NUFIP2: variants seen among roughly 807,000 people sequenced by gnomAD.
NUFIP2 encodes FMR1-interacting protein NUFIP2.
In NUFIP2, 6 loss-of-function variants were observed where a neutral mutation model predicts 56.9. The observed-to-expected ratio is 0.11, with a 90% CI of 0.06 to 0.21. The LOEUF (loss-of-function observed/expected upper bound fraction) is 0.21, where lower values mean the gene tolerates loss of function less well. Among genes scored for constraint, NUFIP2 ranks in the 10% least tolerant of loss-of-function variants. The pLI is 1.00. For missense variants in NUFIP2, 828 were observed against 826.8 expected (o/e 1.00, Z -0.02); for synonymous variants, 321 against 298.2 (o/e 1.08, Z -0.79).
chr17:29,276,686 T>C (rs1486963759), intron 2 of NUFIP2, among the ~76,000 whole-genome samples: 1 of 152,178 alleles, frequency 6.6e-6, no homozygotes, highest in Non-Finnish European at 1.5e-5. Context: ...TAGACCAAGT[T>C]TCTTAATGAC....
chr17:29,282,863 CTT>C (rs575764908), intron 2 of NUFIP2, among the ~76,000 whole-genome samples: 151 of 147,972 alleles, frequency 1.0e-3, no homozygotes, highest in African/African-American at 3.7e-3. Context: ...TTAGAGTTAA[CTT>C]TAAAAAAAAA....
At chr17:29,291,017 G>A (rs1197182064) in intron 1 of NUFIP2, among the ~76,000 whole-genome samples, 10 of 138,698 alleles carry the variant, frequency 7.2e-5, no homozygotes, top group African/African-American at 2.7e-4. Flanking sequence ...CTGTGCTCCC[G>A]CCCGCAAGTT....
chr17:29,276,232 A>C (rs1291930158), intron 2 of NUFIP2, among the ~76,000 whole-genome samples: 2 of 152,092 alleles, frequency 1.3e-5, no homozygotes, highest in East Asian at 3.8e-4. Context: ...CTTCCTTTAA[A>C]CAAACTGAAT....
intron 3 of NUFIP2, among the ~76,000 whole-genome samples, chr17:29,266,450 T>C (rs1356167928): frequency 6.6e-6 from 1 of 152,028 alleles, no homozygotes; most frequent in Non-Finnish European, 1.5e-5. Flanking sequence ...GAGAAATTTC[T>C]ACACATTTCA....
At chr17:29,280,669 G>C (rs2069134253) in intron 2 of NUFIP2, among the ~76,000 whole-genome samples, 1 of 151,608 alleles carries the variant, frequency 6.6e-6, no homozygotes, top group Non-Finnish European at 1.5e-5. Context: ...CTGAGTCACA[G>C]GGTGAGACCC....
At chr17:29,284,042 C>T (rs1364145466) in intron 2 of NUFIP2, among the ~76,000 whole-genome samples, 1 of 152,176 alleles carries the variant, frequency 6.6e-6, no homozygotes, top group Non-Finnish European at 1.5e-5. Context: ...GCTTAGAAGT[C>T]ACAAATCACT....
rs1021491808 is a variant in NUFIP2 at position 29,257,122 on chromosome 17, C to T, written c.*7417G>A. The T allele has an allele frequency of 9.2e-5, 14 of 152,120 alleles. No homozygotes were observed. Among genetic ancestry groups the T allele is most frequent in the Non-Finnish European group, 1.3e-4 (9 of 67,992 alleles). 9.4% of individuals were successfully genotyped at this position (152,120 alleles called of 1,614,324 possible). A position where few individuals can be genotyped will look rare whatever the true frequency, so the allele number is the denominator to read the frequency against. On this transcript the variant is annotated 3_prime_UTR_variant, in exon 4 of 4. Coordinates refer to ENST00000225388, the MANE Select transcript of NUFIP2 (RefSeq NM_020772.3). ...ATGATTTGTAAAGCTGATAAAACTG[C>T]CCTGTTTCAAGAAAAGCTCTTTAAT...
rs992775380 is a variant in NUFIP2 at position 29,265,703 on chromosome 17, T to C, written c.2036-1112A>G. On this transcript the variant is annotated intron_variant, in intron 3 of 3. Transcript: ENST00000225388. ...CCTTCCCTAAGAACTTTTTCAAGTA[T>C]ACATGCTTAAAAAAAAAAAAAAAAA... 4.2e-5 allele frequency among the ~76,000 whole-genome samples: 5 copies of C among 117,682 alleles called. 1 individual carries two copies. Among genetic ancestry groups the C allele is most frequent in the African/African-American group, 1.7e-4 (5 of 29,758 alleles). 77.2% of individuals were successfully genotyped at this position (117,682 alleles called of 152,430 possible). A position where few individuals can be genotyped will look rare whatever the true frequency, so the allele number is the denominator to read the frequency against.
At position 29,286,080 on chromosome 17, in the gene NUFIP2, G is replaced by A. The variant is rs377444662; in HGVS notation, c.1914C>T (p.Ala638=). ...ASPTNTLLGS[A]KEQRYQRGLE... The stretch of plus-strand genomic sequence containing the variant: ...GGCCTCTCTGGTATCTCTGTTCTTT[G>A]GCAGAGCCTAACAAAGTGTTCGTAG... The change falls in exon 2 of 4, where the codon GCC becomes GCT. Residue 638 remains alanine, a synonymous_variant. Coordinates refer to ENST00000225388, the MANE Select transcript of NUFIP2 (RefSeq NM_020772.3). The A allele has an allele frequency of 1.2e-6, 2 of 1,613,644 alleles. No homozygotes were observed. Among genetic ancestry groups the A allele is most frequent in the African/African-American group, 2.7e-5 (2 of 74,874 alleles).
Position 29,287,406 on chromosome 17 carries a change from A to T in NUFIP2, c.588T>A (p.Gly196=), listed in dbSNP as rs538600825. ...IPNGVVTNNS[G]YITNGYMGKG... ...TACCCATATAACCATTAGTAATATA[A>T]CCAGAATTATTTGTTACCACACCAT... The change falls in exon 2 of 4, where the codon GGT becomes GGA. Residue 196 remains glycine, a synonymous_variant. Coordinates refer to ENST00000225388, the MANE Select transcript of NUFIP2 (RefSeq NM_020772.3). 1.2e-6 allele frequency: 2 copies of T among 1,613,942 alleles called. No homozygotes were observed. The highest frequency in any genetic ancestry group is 1.7e-6 in the Non-Finnish European group (2 of 1,179,902).
intron 2 of NUFIP2, among the ~76,000 whole-genome samples, chr17:29,277,272 A>G (rs956038064): frequency 6.6e-6 from 1 of 152,118 alleles, no homozygotes; most frequent in African/African-American, 2.4e-5. Flanking sequence ...GGATCTGCCC[A>G]CCTCAGCCTC....
intron 1 of NUFIP2, among the ~76,000 whole-genome samples, chr17:29,289,384 G>A (rs1394952775): frequency 2.0e-5 from 3 of 152,168 alleles, no homozygotes; most frequent in Non-Finnish European, 4.4e-5. Flanking sequence ...TTTGAGGTCA[G>A]GAGTTCAGGA....
At chr17:29,268,531 C>G (rs1334620842) in intron 2 of NUFIP2, among the ~76,000 whole-genome samples, 2 of 151,476 alleles carry the variant, frequency 1.3e-5, no homozygotes, top group African/African-American at 4.9e-5. Flanking sequence ...TTATTTTTAC[C>G]CCCAGCATGG....
chr17:29,271,905 T>C (rs907253258), intron 2 of NUFIP2, among the ~76,000 whole-genome samples: 5 of 151,842 alleles, frequency 3.3e-5, no homozygotes, highest in South Asian at 2.1e-4. Context: ...ATCCCATCTC[T>C]ACTAAAAACA....
chr17:29,265,691 C>G (rs2069031682), intron 3 of NUFIP2, among the ~76,000 whole-genome samples: 1 of 131,586 alleles, frequency 7.6e-6, no homozygotes, highest in Non-Finnish European at 1.6e-5. Flanking sequence ...TCCCTAAGAA[C>G]TTTTTCAAGT....
chr17:29,287,568 G>A lies in NUFIP2; in HGVS notation c.426C>T (p.Asn142=). The A allele has an allele frequency of 2.5e-6, 4 of 1,614,018 alleles. No homozygotes were observed. The South Asian group carries it at 4.4e-5, about 18-fold the overall frequency. Residue 142 remains asparagine, a synonymous_variant, in exon 2 of 4, where the codon AAC becomes AAT. Coordinates refer to ENST00000225388, the MANE Select transcript of NUFIP2 (RefSeq NM_020772.3). ...TTTTAATTCCTGCTTTCCCAAAGGTGTTGGCCTTTACAGTCTGCTTCAGGC... is the reference window on the plus strand; with the variant it reads ...TTTTAATTCCTGCTTTCCCAAAGGTATTGGCCTTTACAGTCTGCTTCAGGC... ...DTSLKQTVKA[N]TFGKAGIKTK...
At chr17:29,264,734 C>G (rs145826750) in intron 3 of NUFIP2, 143 bp from the exon 4 acceptor site, 1 of 556,154 alleles carries the variant, frequency 1.8e-6, no homozygotes, top group Non-Finnish European at 3.2e-6. Context: ...CTCCTTGTAC[C>G]AACACATGTA....
Position 29,287,200 on chromosome 17 carries a change from T to A in NUFIP2, c.794A>T (p.Tyr265Phe). The A allele has an allele frequency of 5.0e-6, 8 of 1,614,210 alleles. No individual in the cohort carries two copies. The highest frequency in any genetic ancestry group is 6.8e-6 in the Non-Finnish European group (8 of 1,180,036). ...KQGLETFKPD[Y>F]SEQKGNRVDG... Reference sequence around the variant, plus strand: ...TACTCGATTTCCCTTTTGTTCACTATAGTCAGGCTTGAAAGTTTCAAGTCC... The same window carrying A: ...TACTCGATTTCCCTTTTGTTCACTAAAGTCAGGCTTGAAAGTTTCAAGTCC... Residue 265 changes from tyrosine (Y) to phenylalanine (F), a missense_variant, in exon 2 of 4, where the codon TAT (tyrosine) becomes TTT (phenylalanine). Coordinates refer to ENST00000225388, the MANE Select transcript of NUFIP2 (RefSeq NM_020772.3).
Position 29,286,832 on chromosome 17 carries a change from C to T in NUFIP2, c.1162G>A (p.Gly388Arg), listed in dbSNP as rs773670014. ...TSSSSSSSST[G>R]ETQTQSSSRL... ...CTTGATGATTGGGTCTGAGTTTCCC[C>T]GGTAGATGATGAAGATGATGAAGAT... The change falls in exon 2 of 4, where the codon GGG becomes AGG. Residue 388 changes from glycine to arginine, a missense_variant. Physicochemically the swap from Gly to Arg is moderately radical, Grantham distance 125. This residue lies in a region of NUFIP2 where 404 missense variants were observed against 380.3 expected (regional missense o/e 1.06). Transcript: ENST00000225388. 2.0e-5 allele frequency: 33 copies of T among 1,613,926 alleles called. No individual in the cohort carries two copies. Among genetic ancestry groups the T allele is most frequent in the Non-Finnish European group, 2.7e-5 (32 of 1,180,020 alleles).
Sources: gnomAD v4.1 joint callset for allele counts (sites outside exome capture counted in the v4.1 genomes callset) on GRCh38, gnomAD v4.1.1 for gene constraint, gnomAD v4.1.1 regional missense constraint, MANE v1.5 for transcripts, NCBI Gene and HGNC (gene_info 2026-07-23, HGNC 2026-07-21) for gene names.